Variants in CADPS observed in about 807,000 individuals in gnomAD.
CADPS encodes calcium-dependent secretion activator 1.
Under a neutral mutation model 167.3 loss-of-function variants are expected in CADPS, and 57 were observed. The observed-to-expected ratio is 0.34, with a 90% CI of 0.28 to 0.42. The LOEUF is 0.42. CADPS is among the 20% of genes least tolerant of loss of function. CADPS has a pLI of 1.00. For missense variants in CADPS, 1,414 were observed against 1,738.1 expected (o/e 0.81, Z 3.32); for synonymous variants, 676 against 635.3 (o/e 1.06, Z -0.96).
chr3:62,461,775 A>G (rs1269803889), intron 26 of CADPS, among the ~76,000 whole-genome samples: 1 of 152,124 alleles, frequency 6.6e-6, no homozygotes, highest in Non-Finnish European at 1.5e-5. Context: ...CTTGCTCTCC[A>G]GTTTATGTCC....
intron 28 of CADPS, among the ~76,000 whole-genome samples, chr3:62,417,412 G>A (rs2050342605): frequency 6.7e-6 from 1 of 149,098 alleles, no homozygotes; most frequent in Non-Finnish European, 1.5e-5. Context: ...AGCCTCCTGA[G>A]TTGCTGGGAT....
rs559831494 is a variant in CADPS at position 62,456,007 on chromosome 3, C to G, written c.3636+9360G>C. Among the ~76,000 whole-genome samples the G allele has an allele frequency of 6.6e-5, 10 of 152,194 alleles. No individual in the cohort carries two copies. The South Asian group carries it at 2.1e-3, about 32-fold the overall frequency. On this transcript the variant is annotated intron_variant, in intron 26 of 29. Coordinates refer to ENST00000383710, the MANE Select transcript of CADPS (RefSeq NM_003716.4). ...AGTGGTTTGGTTTCTCTCTCTCTCT[C>G]TTTTTTGTTTTCATTTTCTCAGGTA...
intron 3 of CADPS, among the ~76,000 whole-genome samples, chr3:62,744,652 T>G (rs2081071709): frequency 6.6e-6 from 1 of 152,244 alleles, no homozygotes; most frequent in Admixed American, 6.5e-5. Flanking sequence ...TGTATGTATC[T>G]TTCTGAAAGT....
Position 62,753,575 on chromosome 3 carries a change from G to A in CADPS, c.754C>T (p.Arg252Trp), listed in dbSNP as rs149095712. 1.2e-5 allele frequency: 20 copies of A among 1,614,018 alleles called. No homozygotes were observed. Among genetic ancestry groups the A allele is most frequent in the Non-Finnish European group, 1.6e-5 (19 of 1,180,030 alleles). Residue 252 changes from arginine to tryptophan, a missense_variant, in exon 3 of 30, where the codon CGG becomes TGG. Arg to Trp is a moderately radical substitution (Grantham distance 101). Coordinates refer to ENST00000383710, the MANE Select transcript of CADPS (RefSeq NM_003716.4). The surrounding 1 kb of genome is among the most constrained non-coding windows in gnomAD (Gnocchi z 4.6). ...DAIYRGEEDP[R>W]KQQARMTASA... is the part of the protein sequence containing the mutation. ...GCTGTCATCCGGGCCTGCTGCTTCC[G>A]CGGGTCCTCTTCTCCACGGTAGATG...
intron 3 of CADPS, among the ~76,000 whole-genome samples, chr3:62,709,410 T>G (rs1198706211): frequency 1.3e-5 from 2 of 152,144 alleles, no homozygotes; most frequent in Non-Finnish European, 1.5e-5. Context: ...TTGGACAATA[T>G]TTTTGTTTTG....
At chr3:62,495,262 G>T (rs780929045) in intron 18 of CADPS, among the ~76,000 whole-genome samples, 1 of 152,018 alleles carries the variant, frequency 6.6e-6, no homozygotes, top group East Asian at 1.9e-4. Context: ...TACATTCAAG[G>T]GAATTCTTTT....
chr3:62,757,393 G>A (rs1378243986), intron 2 of CADPS, among the ~76,000 whole-genome samples: 1 of 152,128 alleles, frequency 6.6e-6, no homozygotes, highest in South Asian at 2.1e-4. Context: ...GGTAGTCGTT[G>A]TTTGTTTCTA....
intron 18 of CADPS, among the ~76,000 whole-genome samples, chr3:62,497,116 C>T (rs1387403655): frequency 6.6e-6 from 1 of 152,136 alleles, no homozygotes; most frequent in Non-Finnish European, 1.5e-5. Context: ...AGGATTAACA[C>T]AGCGAGAAAG....
chr3:62,840,716 T>TA (rs1207372493), intron 1 of CADPS, among the ~76,000 whole-genome samples: 1 of 152,138 alleles, frequency 6.6e-6, no homozygotes, highest in East Asian at 1.9e-4. Context: ...ATACTTTTTA[T>TA]AAAATGTTTT....
intron 6 of CADPS, among the ~76,000 whole-genome samples, chr3:62,594,456 C>T (rs757090055): frequency 2.0e-5 from 3 of 152,130 alleles, no homozygotes; most frequent in African/African-American, 7.2e-5. Flanking sequence ...CCACCGCGCC[C>T]GGCCCTCATT....
At chr3:62,414,793 C>T (rs1269291482) in intron 28 of CADPS, among the ~76,000 whole-genome samples, 3 of 152,222 alleles carry the variant, frequency 2.0e-5, no homozygotes, top group South Asian at 2.1e-4. Flanking sequence ...AAACTCTTCT[C>T]GGGCCTACCT....
chr3:62,785,671 C>T (rs1043999539), intron 1 of CADPS, among the ~76,000 whole-genome samples: 1 of 152,182 alleles, frequency 6.6e-6, no homozygotes, highest in Non-Finnish European at 1.5e-5. Flanking sequence ...AGAATCAACA[C>T]TGCTTATTTC....
intron 24 of CADPS, among the ~76,000 whole-genome samples, chr3:62,469,053 A>G (rs2060268188): frequency 6.6e-6 from 1 of 152,232 alleles, no homozygotes; most frequent in African/African-American, 2.4e-5. Flanking sequence ...ACATTTCTCT[A>G]AACTCACCTA....
intron 16 of CADPS, chr3:62,513,652 A>G (rs1482113890): frequency 1.3e-6 from 2 of 1,591,276 alleles, no homozygotes; most frequent in African/African-American, 1.3e-5. Flanking sequence ...GGTTAAATCC[A>G]TCACTTGGGA....
At chr3:62,855,246 A>C (rs983356809) in intron 1 of CADPS, among the ~76,000 whole-genome samples, 1 of 151,836 alleles carries the variant, frequency 6.6e-6, no homozygotes, top group African/African-American at 2.4e-5. Context: ...TGCTTGGCCT[A>C]AAATGGATTA....
chr3:62,528,414 C>T (rs577430841), intron 13 of CADPS, among the ~76,000 whole-genome samples: 6 of 152,286 alleles, frequency 3.9e-5, no homozygotes, highest in Non-Finnish European at 8.8e-5. Context: ...CAGCACTTCA[C>T]TTAGTGCCTG....
intron 3 of CADPS, among the ~76,000 whole-genome samples, chr3:62,671,689 C>A (rs1440411163): frequency 2.0e-5 from 3 of 152,158 alleles, no homozygotes; most frequent in Non-Finnish European, 4.4e-5. Flanking sequence ...AGATAAAAGG[C>A]AATCCTAATG....
chr3:62,616,874 A>G (rs1329560393), intron 6 of CADPS, among the ~76,000 whole-genome samples: 5 of 152,202 alleles, frequency 3.3e-5, no homozygotes, highest in Non-Finnish European at 5.9e-5. Context: ...AGTTTGCATT[A>G]ACTTAGACAT....
intron 1 of CADPS, among the ~76,000 whole-genome samples, chr3:62,872,096 T>G (rs193017083): frequency 7.0e-4 from 103 of 147,538 alleles, no homozygotes; most frequent in Middle Eastern, 3.4e-3. Context: ...GACCTCCATA[T>G]CATCCTATCC....
Sources: allele counts gnomAD v4.1 joint callset (sites outside exome capture counted in the v4.1 genomes callset), GRCh38; gene constraint gnomAD v4.1.1; non-coding constraint Gnocchi (gnomAD v3.1); transcripts MANE v1.5; gene names NCBI Gene and HGNC (gene_info 2026-07-23, HGNC 2026-07-21).